ATP10D: variants seen among roughly 807,000 people sequenced by gnomAD.
ATP10D encodes the protein ATPase phospholipid transporting 10D (putative).
A neutral mutation model predicts 144.8 loss-of-function variants in ATP10D; 89 were observed. The observed-to-expected ratio is 0.61, with a 90% confidence interval of 0.52 to 0.73. ATP10D has a LOEUF of 0.73. Among genes scored for constraint, ATP10D ranks in the 30% least tolerant of loss-of-function variants. The pLI is 0.00. For missense variants in ATP10D, 1,603 were observed against 1,714.8 expected (o/e 0.93, Z 1.15); for synonymous variants, 571 against 615.1 (o/e 0.93, Z 1.06).
At chr4:47,582,160 G>C in intron 21 of ATP10D, 96 bp downstream of exon 21, 2 of 964,238 alleles carry the variant, frequency 2.1e-6, no homozygotes, top group South Asian at 2.7e-5. Context: ...GTGGTAATGA[G>C]AAGAGTAATG....
intron 1 of ATP10D, among the ~76,000 whole-genome samples, chr4:47,500,545 G>A (rs1430804189): frequency 6.6e-6 from 1 of 152,230 alleles, no homozygotes; most frequent in African/African-American, 2.4e-5. Context: ...GATGTGAGTT[G>A]TAAGTGAAAG....
In ATP10D at chr4:47,535,621, T is replaced by C; in HGVS notation, c.883+6T>C. On this transcript the variant is annotated splice_donor_region_variant and intron_variant, in intron 6 of 22. Transcript: ENST00000273859. ...GGGCATTGTGGTTTATGCAGGTCGG[T>C]TATGTTTCTAATTTTCATTGTCTAC... The C allele has an allele frequency of 1.2e-6, 2 of 1,602,540 alleles. No homozygotes were observed. Among genetic ancestry groups the C allele is most frequent in the Non-Finnish European group, 1.7e-6 (2 of 1,175,738 alleles).
intron 1 of ATP10D, among the ~76,000 whole-genome samples, chr4:47,491,941 G>A (rs1337333628): frequency 1.3e-5 from 2 of 152,008 alleles, no homozygotes; most frequent in Non-Finnish European, 2.9e-5. Context: ...GACCTGTTCT[G>A]GGGCTAGTTT....
chr4:47,581,786 G>C (rs1237383220), intron 20 of ATP10D, among the ~76,000 whole-genome samples, 174 bp from the exon 21 acceptor site: 3 of 152,152 alleles, frequency 2.0e-5, no homozygotes, highest in African/African-American at 7.2e-5. Context: ...TAGATGCCCT[G>C]TCTGGGAGAG....
intron 1 of ATP10D, among the ~76,000 whole-genome samples, chr4:47,497,735 A>G (rs1485319433): frequency 6.6e-6 from 1 of 152,252 alleles, no homozygotes; most frequent in Admixed American, 6.5e-5. Context: ...ATATGCATGA[A>G]TAAGAAAATG....
At chr4:47,554,352 A>G (rs571018880) in intron 10 of ATP10D, among the ~76,000 whole-genome samples, 1 of 152,344 alleles carries the variant, frequency 6.6e-6, no homozygotes, top group African/African-American at 2.4e-5. Context: ...GTTAGTATTC[A>G]TCAAGTGATG....
chr4:47,562,409 A>T (rs1435059793), intron 14 of ATP10D, among the ~76,000 whole-genome samples: 2 of 152,156 alleles, frequency 1.3e-5, no homozygotes, highest in African/African-American at 4.8e-5. Flanking sequence ...AAAGAAGACA[A>T]CAACAAGTGG....
intron 9 of ATP10D, among the ~76,000 whole-genome samples, chr4:47,543,022 T>C (rs962401722): frequency 6.6e-6 from 1 of 152,210 alleles, no homozygotes; most frequent in African/African-American, 2.4e-5. Flanking sequence ...ATTACCCCCT[T>C]ATCTGTGGTT....
Position 47,546,680 on chromosome 4 carries a change from A to G in ATP10D, c.1453A>G (p.Thr485Ala). 6.2e-7 allele frequency: 1 copy of G among 1,614,110 alleles called. No individual in the cohort carries two copies. The highest frequency in any genetic ancestry group is 8.5e-7 in the Non-Finnish European group (1 of 1,179,974). Residue 485 changes from threonine (T) to alanine (A), a missense_variant, in exon 10 of 23, where the codon ACA (threonine) becomes GCA (alanine). Transcript: ENST00000273859. ...CTCTGAAGATGAAGATTTTATAGAC[A>G]CAGTCAGTGGTTCCCTCAGCAATAT... ...AVSEDEDFID[T>A]VSGSLSNMAK...
At chr4:47,565,245 C>T (rs1370081145) in intron 15 of ATP10D, among the ~76,000 whole-genome samples, 1 of 152,148 alleles carries the variant, frequency 6.6e-6, no homozygotes, top group Admixed American at 6.5e-5. Flanking sequence ...CAGGCGTGAG[C>T]CACCGCGCCC....
intron 10 of ATP10D, chr4:47,547,237 T>C (rs1195048299): frequency 4.4e-6 from 1 of 228,174 alleles, no homozygotes; most frequent in Non-Finnish European, 8.7e-6. Flanking sequence ...GTGTAATTTA[T>C]AGGGACATTC....
intron 1 of ATP10D, among the ~76,000 whole-genome samples, chr4:47,495,956 C>T (rs147176641): frequency 0.056 from 8,352 of 150,446 alleles, 798 homozygotes; most frequent in African/African-American, 0.19. Flanking sequence ...AGGCTGGTCG[C>T]GAACTCCTGA....
chr4:47,554,645 A>C, intron 10 of ATP10D, 81 bp from the exon 11 acceptor site: 1 of 1,142,814 alleles, frequency 8.8e-7, no homozygotes, highest in South Asian at 1.8e-5. Context: ...GATCCTGGCT[A>C]TACAAGTTAT....
In ATP10D at chr4:47,591,109, A is replaced by G; in HGVS notation, c.4009A>G (p.Arg1337Gly). 2.5e-6 allele frequency: 4 copies of G among 1,613,274 alleles called. No homozygotes were observed. Among genetic ancestry groups the G allele is most frequent in the Non-Finnish European group, 3.4e-6 (4 of 1,179,494 alleles). Reference sequence around the variant, plus strand: ...AATTCTGAGAGCTAAGCACTTTGACAGACTAACTCCAGAGGAGAGGACTAA... The same window carrying G: ...AATTCTGAGAGCTAAGCACTTTGACGGACTAACTCCAGAGGAGAGGACTAA... ...SPILRAKHFD[R>G]LTPEERTKAL... The change falls in exon 23 of 23, where the codon AGA becomes GGA. Residue 1337 changes from arginine (R) to glycine (G), a missense_variant. Coordinates refer to ENST00000273859, the MANE Select transcript of ATP10D (RefSeq NM_020453.4).
intron 5 of ATP10D, among the ~76,000 whole-genome samples, chr4:47,528,509 GTGTGTATA>G (rs1254477872): frequency 2.4e-3 from 137 of 57,670 alleles, no homozygotes; most frequent in African/African-American, 9.8e-3. Context: ...GTGTGTGTGT[GTGTGTATA>G]TATATATATA....
chr4:47,525,899 G>C (rs1476696097), intron 5 of ATP10D, among the ~76,000 whole-genome samples: 1 of 152,138 alleles, frequency 6.6e-6, no homozygotes, highest in Non-Finnish European at 1.5e-5. Flanking sequence ...TAGAATTTGG[G>C]GTCCTTACCT....
chr4:47,538,517 A>G (rs940048870), intron 9 of ATP10D, among the ~76,000 whole-genome samples: 3 of 152,350 alleles, frequency 2.0e-5, no homozygotes, highest in Admixed American at 1.3e-4. Flanking sequence ...ACCACAAACC[A>G]TAATGGCTTA....
At chr4:47,519,311 G>A (rs935920383) in intron 3 of ATP10D, among the ~76,000 whole-genome samples, 4 of 152,100 alleles carry the variant, frequency 2.6e-5, no homozygotes, top group Admixed American at 1.3e-4. Flanking sequence ...CAATGCTTGT[G>A]TAGCAGAGCT....
At chr4:47,579,551 A>G (rs932970379) in intron 19 of ATP10D, among the ~76,000 whole-genome samples, 1 of 152,260 alleles carries the variant, frequency 6.6e-6, no homozygotes, top group South Asian at 2.1e-4. Flanking sequence ...TAATGAGGAA[A>G]TGCTCATGTA....
Sources: allele counts gnomAD v4.1 joint callset (sites outside exome capture counted in the v4.1 genomes callset), GRCh38; gene constraint gnomAD v4.1.1; transcripts MANE v1.5; gene names NCBI Gene and HGNC (gene_info 2026-07-23, HGNC 2026-07-21).